Variants in HOXD8 observed in about 807,000 individuals in gnomAD.
HOXD8 encodes homeobox D8.
HOXD8 carries 17 observed loss-of-function variants against 25.4 expected under a neutral mutation model. That is an observed-to-expected ratio of 0.67 (90% CI 0.46 to 1.00). The LOEUF is 1.00. Ranked by LOEUF, HOXD8 falls within the 50% of genes least tolerant of loss-of-function variation. HOXD8 has a pLI of 0.00. For missense variants in HOXD8, 511 were observed against 398.5 expected (o/e 1.28, Z -2.40); for synonymous variants, 203 against 175.3 (o/e 1.16, Z -1.25).
rs1297597088 is a variant in HOXD8 at position 176,131,865 on chromosome 2, A to G, written c.*253A>G. The stretch of plus-strand genomic sequence containing the variant: ...CTGACCTTGTAGCTATATTTTTATA[A>G]TGGTTTTTAATGTCTGAGCTAGTGA... On this transcript the variant is annotated 3_prime_UTR_variant, in exon 2 of 2. Coordinates refer to ENST00000313173, the MANE Select transcript of HOXD8 (RefSeq NM_019558.4). The G allele has an allele frequency of 2.0e-5, 7 of 352,886 alleles. No individual in the cohort carries two copies. The highest frequency in any genetic ancestry group is 4.2e-5 in the African/African-American group (2 of 47,530). The allele number at this position is 352,886 out of a possible 1,614,324, so 21.9% of individuals were successfully genotyped here.
Position 176,131,866 on chromosome 2 carries a change from T to C in HOXD8, c.*254T>C, listed in dbSNP as rs889659750. On this transcript the variant is annotated 3_prime_UTR_variant, in exon 2 of 2. Coordinates refer to ENST00000313173, the MANE Select transcript of HOXD8 (RefSeq NM_019558.4). Reference sequence around the variant, plus strand: ...TGACCTTGTAGCTATATTTTTATAATGGTTTTTAATGTCTGAGCTAGTGAT... The same window carrying C: ...TGACCTTGTAGCTATATTTTTATAACGGTTTTTAATGTCTGAGCTAGTGAT... 47 of 354,308 alleles carry C rather than the reference T, an allele frequency of 1.3e-4. No individual in the cohort carries two copies. Among genetic ancestry groups the C allele is most frequent in the Non-Finnish European group, 1.9e-4 (38 of 198,426 alleles). 21.9% of individuals were successfully genotyped at this position (354,308 alleles called of 1,614,324 possible).
chr2:176,130,336 C>T lies in HOXD8; in HGVS notation c.-31C>T, dbSNP rs1690057838. ...CTCTCTGGCTGCTTAGCGCCGCCCG[C>T]CCGCCCGGGGCCGCCGCCGCTGACG... On this transcript the variant is annotated 5_prime_UTR_variant, in exon 1 of 2. Transcript: ENST00000313173. The T allele has an allele frequency of 5.8e-6, 8 of 1,372,900 alleles. No individual in the cohort carries two copies. The highest frequency in any genetic ancestry group is 3.2e-5 in the South Asian group (2 of 61,696). The allele number at this position is 1,372,900 out of a possible 1,614,324, so 85.0% of individuals were successfully genotyped here. A position where few individuals can be genotyped will look rare whatever the true frequency, so the allele number is the denominator to read the frequency against.
In HOXD8 at chr2:176,130,589, TC is replaced by T; in HGVS notation, c.227del (p.Pro76ArgfsTer101). 1 of 1,425,012 alleles carries T rather than the reference TC, an allele frequency of 7.0e-7. No homozygotes were observed. Among genetic ancestry groups the T allele is most frequent in the Non-Finnish European group, 9.2e-7 (1 of 1,089,292 alleles). 88.3% of individuals were successfully genotyped at this position (1,425,012 alleles called of 1,614,324 possible). A position where few individuals can be genotyped will look rare whatever the true frequency, so the allele number is the denominator to read the frequency against. On this transcript the variant is annotated frameshift_variant, in exon 1 of 2. Coordinates refer to ENST00000313173, the MANE Select transcript of HOXD8 (RefSeq NM_019558.4). LOFTEE classifies it high-confidence loss of function. ...PPQAHAHPHP[S>X]PPPSGTGCGG... ...GCAGGCGCACGCGCACCCGCACCCG[TC>T]CCCGCCGCCCTCCGGGACTGGGTGC...
chr2:176,130,493 C>G lies in HOXD8; in HGVS notation c.127C>G (p.Arg43Gly). 1 of 1,491,572 alleles carries G rather than the reference C, an allele frequency of 6.7e-7. No individual in the cohort carries two copies. Among genetic ancestry groups the G allele is most frequent in the Non-Finnish European group, 8.9e-7 (1 of 1,127,344 alleles). 92.4% of individuals were successfully genotyped at this position (1,491,572 alleles called of 1,614,324 possible). A position where few individuals can be genotyped will look rare whatever the true frequency, so the allele number is the denominator to read the frequency against. The change falls in exon 1 of 2, where the codon CGT becomes GGT. Residue 43 changes from arginine to glycine, a missense_variant. By Grantham distance (125) the Arg-to-Gly change is moderately radical. Coordinates refer to ENST00000313173, the MANE Select transcript of HOXD8 (RefSeq NM_019558.4). ...DCHFAPEVGG[R>G]HAAAAAALQL... ...TCACTTCGCGCCCGAGGTCGGCGGC[C>G]GTCACGCCGCCGCCGCAGCAGCCCT...
rs78850740 is a variant in HOXD8 at position 176,131,188 on chromosome 2, C to A, written c.578-129C>A. 2,405 of 697,056 alleles carry A rather than the reference C, an allele frequency of 3.5e-3. 41 individuals are homozygous for A. In the African/African-American group the frequency reaches 0.039, roughly 11 times the overall value. 43.2% of individuals were successfully genotyped at this position (697,056 alleles called of 1,614,324 possible). A position where few individuals can be genotyped will look rare whatever the true frequency, so the allele number is the denominator to read the frequency against. Reference sequence around the variant, plus strand: ...GCCTGCACACCCTATATATATATATCGGAGCTAAAGAGCTCTGTGTATATT... The same window carrying A: ...GCCTGCACACCCTATATATATATATAGGAGCTAAAGAGCTCTGTGTATATT... On this transcript the variant is annotated intron_variant, in intron 1 of 1. Transcript: ENST00000313173.
intron 1 of HOXD8, 86 bp downstream of exon 1, chr2:176,131,029 C>G (rs912201059): frequency 1.1e-6 from 1 of 889,818 alleles, no homozygotes. Flanking sequence ...CCCGTTCCCT[C>G]TCCCCCTCCT....
rs754042052 is a variant in HOXD8, at chr2:176,130,598, C to T, written c.232C>T (p.Pro78Ser). The T allele has an allele frequency of 3.1e-5, 45 of 1,469,678 alleles. No homozygotes were observed. In the South Asian group the frequency reaches 5.5e-4, roughly 18 times the overall value. 91.0% of individuals were successfully genotyped at this position (1,469,678 alleles called of 1,614,324 possible). The stretch of plus-strand genomic sequence containing the variant: ...CGCGCACCCGCACCCGTCCCCGCCG[C>T]CCTCCGGGACTGGGTGCGGCGGTAG... ...AHAHPHPSPP[P>S]SGTGCGGREG... The change falls in exon 1 of 2, where the codon CCC (proline) becomes TCC (serine). Residue 78 changes from proline (P) to serine (S), a missense_variant. By Grantham distance (74) the Pro-to-Ser change is moderately conservative. Coordinates refer to ENST00000313173, the MANE Select transcript of HOXD8 (RefSeq NM_019558.4).
In HOXD8 at chr2:176,132,170, C is replaced by A. The variant is rs1187092739; in HGVS notation, c.*558C>A. ...TTTGCGTATTTTCTAAATGTAATAT[C>A]TCGGGGAAAATATTAGAAAAGCACG... is the stretch of plus-strand genomic sequence containing the variant. On this transcript the variant is annotated 3_prime_UTR_variant, in exon 2 of 2. Coordinates refer to ENST00000313173, the MANE Select transcript of HOXD8 (RefSeq NM_019558.4). 2.0e-5 allele frequency: 3 copies of A among 152,024 alleles called. No homozygotes were observed. The highest frequency in any genetic ancestry group is 7.3e-5 in the African/African-American group (3 of 41,338). 9.4% of individuals were successfully genotyped at this position (152,024 alleles called of 1,614,324 possible).
intron 1 of HOXD8, 91 bp from the exon 2 acceptor site, chr2:176,131,226 C>T (rs1365742597): frequency 8.2e-6 from 10 of 1,224,168 alleles, no homozygotes; most frequent in Non-Finnish European, 1.1e-5. Flanking sequence ...ACCCCGTAGA[C>T]CCCCGTTCCA....
chr2:176,132,295 T>G lies in HOXD8; in HGVS notation c.*683T>G, dbSNP rs1412277922. 2 of 152,240 alleles carry G rather than the reference T, an allele frequency of 1.3e-5. No individual in the cohort carries two copies. Among genetic ancestry groups the G allele is most frequent in the African/African-American group, 4.8e-5 (2 of 41,456 alleles). 9.4% of individuals were successfully genotyped at this position (152,240 alleles called of 1,614,324 possible). A position where few individuals can be genotyped will look rare whatever the true frequency, so the allele number is the denominator to read the frequency against. On this transcript the variant is annotated 3_prime_UTR_variant, in exon 2 of 2. Transcript: ENST00000313173. ...CAAGAATTTAAAGACAATGTCCAAG[T>G]TGACAATTATTTTTCTATAGTCCAT...
intron 1 of HOXD8, 130 bp from the exon 2 acceptor site, chr2:176,131,187 T>C: frequency 1.3e-6 from 1 of 767,752 alleles, no homozygotes; most frequent in East Asian, 2.7e-5. Flanking sequence ...TATATATATA[T>C]CGGAGCTAAA....
chr2:176,130,559 C>A lies in HOXD8; in HGVS notation c.193C>A (p.Pro65Thr), dbSNP rs543728871. ...CAGCGCCGCCGGCTTCCCGCACGCGCCCCCGCAGGCGCACGCGCACCCGCA... is the reference window on the plus strand; with the variant it reads ...CAGCGCCGCCGGCTTCCCGCACGCGACCCCGCAGGCGCACGCGCACCCGCA... Reference protein sequence around the residue: ...GNSAAGFPHAPPQAHAHPHPS... With the variant: ...GNSAAGFPHATPQAHAHPHPS... Residue 65 changes from proline (P) to threonine (T), a missense_variant, in exon 1 of 2, where the codon CCC becomes ACC. Coordinates refer to ENST00000313173, the MANE Select transcript of HOXD8 (RefSeq NM_019558.4). 542 of 1,463,254 alleles carry A rather than the reference C, an allele frequency of 3.7e-4. 7 individuals are homozygous for A. The East Asian group carries it at 0.015, about 40-fold the overall frequency. 90.6% of individuals were successfully genotyped at this position (1,463,254 alleles called of 1,614,324 possible). A position where few individuals can be genotyped will look rare whatever the true frequency, so the allele number is the denominator to read the frequency against.
chr2:176,131,160 C>T (rs987600905), intron 1 of HOXD8, among the ~76,000 whole-genome samples, 157 bp from the exon 2 acceptor site: 2 of 132,480 alleles, frequency 1.5e-5, no homozygotes, highest in Non-Finnish European at 3.4e-5. Context: ...CTCTGCTCCT[C>T]TTGCCTGCAC....
At chr2:176,131,113 T>G (rs1690099939) in intron 1 of HOXD8, among the ~76,000 whole-genome samples, 170 bp downstream of exon 1, 1 of 151,946 alleles carries the variant, frequency 6.6e-6, no homozygotes, top group African/African-American at 2.4e-5. Context: ...GTAGGAACCA[T>G]GTAAAGATGA....
Position 176,130,297 on chromosome 2 carries a change from C to G in HOXD8, c.-70C>G. On this transcript the variant is annotated 5_prime_UTR_variant, in exon 1 of 2. Coordinates refer to ENST00000313173, the MANE Select transcript of HOXD8 (RefSeq NM_019558.4). Reference sequence around the variant, plus strand: ...CCACAGGCCCCCGCGGCAGTGCGGCCGAGTCGAGGCTCGCTCTCTGGCTGC... The same window carrying G: ...CCACAGGCCCCCGCGGCAGTGCGGCGGAGTCGAGGCTCGCTCTCTGGCTGC... 9.7e-7 allele frequency: 1 copy of G among 1,033,798 alleles called. No individual in the cohort carries two copies. Among genetic ancestry groups the G allele is most frequent in the South Asian group, 2.9e-5 (1 of 34,040 alleles). 64.0% of individuals were successfully genotyped at this position (1,033,798 alleles called of 1,614,324 possible). A position where few individuals can be genotyped will look rare whatever the true frequency, so the allele number is the denominator to read the frequency against.
chr2:176,130,599 C>A lies in HOXD8; in HGVS notation c.233C>A (p.Pro78His). 1 of 1,472,408 alleles carries A rather than the reference C, an allele frequency of 6.8e-7. No homozygotes were observed. Among genetic ancestry groups the A allele is most frequent in the Non-Finnish European group, 8.9e-7 (1 of 1,125,572 alleles). The allele number at this position is 1,472,408 out of a possible 1,614,324, so 91.2% of individuals were successfully genotyped here. Residue 78 changes from proline (P) to histidine (H), a missense_variant, in exon 1 of 2, where the codon CCC becomes CAC. Transcript: ENST00000313173. Reference sequence around the variant, plus strand: ...GCGCACCCGCACCCGTCCCCGCCGCCCTCCGGGACTGGGTGCGGCGGTAGG... The same window carrying A: ...GCGCACCCGCACCCGTCCCCGCCGCACTCCGGGACTGGGTGCGGCGGTAGG... ...AHAHPHPSPP[P>H]SGTGCGGREG... is the part of the protein sequence containing the mutation.
chr2:176,130,450 T>G lies in HOXD8; in HGVS notation c.84T>G (p.Asn28Lys). 8 of 1,494,500 alleles carry G rather than the reference T, an allele frequency of 5.4e-6. No homozygotes were observed. Among genetic ancestry groups the G allele is most frequent in the Non-Finnish European group, 6.2e-6 (7 of 1,127,914 alleles). 92.6% of individuals were successfully genotyped at this position (1,494,500 alleles called of 1,614,324 possible). A position where few individuals can be genotyped will look rare whatever the true frequency, so the allele number is the denominator to read the frequency against. The change falls in exon 1 of 2, where the codon AAT (asparagine) becomes AAG (lysine). Residue 28 changes from asparagine (N) to lysine (K), a missense_variant. Transcript: ENST00000313173. ...CGGCGGCGGCGGGCGAGGCCATCAATCCCACTTACTACGACTGTCACTTCG... is the reference window on the plus strand; with the variant it reads ...CGGCGGCGGCGGGCGAGGCCATCAAGCCCACTTACTACGACTGTCACTTCG... ...AAAAAAGEAI[N>K]PTYYDCHFAP...
chr2:176,131,174 C>CTG (rs1690102097), intron 1 of HOXD8, 143 bp from the exon 2 acceptor site: 1 of 614,738 alleles, frequency 1.6e-6, no homozygotes, highest in Non-Finnish European at 2.7e-6. Flanking sequence ...CCTGCACACC[C>CTG]TATATATATA....
rs769151115 is a variant in HOXD8 at position 176,130,954 on chromosome 2, A to T, written c.577+11A>T. On this transcript the variant is annotated intron_variant, in intron 1 of 1. Transcript: ENST00000313173. ...GGATGAGACCACAAGGTTGGGATGC[A>T]TTTTTTTTTTAAGAAGGGAGAGGGG... 3 of 1,382,852 alleles carry T rather than the reference A, an allele frequency of 2.2e-6. No homozygotes were observed. Among genetic ancestry groups the T allele is most frequent in the South Asian group, 1.4e-5 (1 of 70,110 alleles). The allele number at this position is 1,382,852 out of a possible 1,614,324, so 85.7% of individuals were successfully genotyped here.
Sources: allele counts gnomAD v4.1 joint callset (sites outside exome capture counted in the v4.1 genomes callset), GRCh38; gene constraint gnomAD v4.1.1; transcripts MANE v1.5; gene names NCBI Gene and HGNC (gene_info 2026-07-23, HGNC 2026-07-21).